SEMA4B: variants seen among roughly 807,000 people sequenced by gnomAD.
The protein encoded by SEMA4B is semaphorin 4B, also known as semaphorin-4B.
In SEMA4B, 55 loss-of-function variants were observed where a neutral mutation model predicts 88.1. The observed-to-expected ratio is 0.62, with a 90% CI of 0.50 to 0.78. The LOEUF (loss-of-function observed/expected upper bound fraction) is 0.78. Ranked by LOEUF, SEMA4B falls within the 30% of genes least tolerant of loss-of-function variation. The pLI is 0.00. For missense variants in SEMA4B, 1,062 were observed against 1,111.9 expected (o/e 0.96, Z 0.64); for synonymous variants, 525 against 473.6 (o/e 1.11, Z -1.41).
At chr15:90,198,520 A>C (rs982709833), upstream of SEMA4B, among the ~76,000 whole-genome samples, 1 of 152,228 alleles carries the variant, frequency 6.6e-6, no homozygotes, top group East Asian at 1.9e-4. Context: ...GTGCTCTGAA[A>C]AAATATCTCA....
chr15:90,194,246 A>C (rs1215202212), intron 1 of SEMA4B, among the ~76,000 whole-genome samples: 1 of 152,024 alleles, frequency 6.6e-6, no homozygotes, highest in African/African-American at 2.4e-5. Context: ...AAAGATATTG[A>C]TCAGGCCAGG....
At chr15:90,206,311 G>C (rs1960986620) in intron 1 of SEMA4B, among the ~76,000 whole-genome samples, 1 of 152,174 alleles carries the variant, frequency 6.6e-6, no homozygotes, top group Admixed American at 6.5e-5. Flanking sequence ...CTGTGGTCGA[G>C]GCCTGCCTTC....
Position 90,221,638 on chromosome 15 carries a change from A to G in SEMA4B, c.734A>G (p.Tyr245Cys), listed in dbSNP as rs1961851269. ...LQDPAFVASAYIPESLGSLQG... is the reference protein window; with the variant it reads ...LQDPAFVASACIPESLGSLQG... ...GACCCAGCTTTTGTGGCCTCAGCCT[A>G]CATTCCTGAGAGCCTGGGCAGCTTG... The change falls in exon 7 of 14, where the codon TAC (tyrosine) becomes TGC (cysteine). Residue 245 changes from tyrosine (Y) to cysteine (C), a missense_variant. By Grantham distance (194) the Tyr-to-Cys change is radical. Transcript: ENST00000411539. 6.2e-7 allele frequency: 1 copy of G among 1,614,020 alleles called. No homozygotes were observed. Among genetic ancestry groups the G allele is most frequent in the Non-Finnish European group, 8.5e-7 (1 of 1,179,892 alleles).
At chr15:90,199,789 G>A (rs1410782235), upstream of SEMA4B, among the ~76,000 whole-genome samples, 1 of 152,002 alleles carries the variant, frequency 6.6e-6, no homozygotes, top group Non-Finnish European at 1.5e-5. Flanking sequence ...TTGCACCATT[G>A]CACTCCAGCC....
At chr15:90,188,489 A>T (rs553377312) in intron 1 of SEMA4B, among the ~76,000 whole-genome samples, 2 of 151,842 alleles carry the variant, frequency 1.3e-5, no homozygotes, top group Non-Finnish European at 2.9e-5. Context: ...TTAGCCAGGC[A>T]TGGTGGCGCA....
chr15:90,228,864 A>C lies in SEMA4B; in HGVS notation c.*221A>C. The C allele has an allele frequency of 5.0e-6, 3 of 606,006 alleles. No individual in the cohort carries two copies. The highest frequency in any genetic ancestry group is 8.6e-6 in the Non-Finnish European group (3 of 347,204). 37.5% of individuals were successfully genotyped at this position (606,006 alleles called of 1,614,324 possible). ...GTGGCCCCAGAGGTCCTGGCCAAAT[A>C]TGGGGGCCTGCCTAGGTTGGTGGAA... On this transcript the variant is annotated 3_prime_UTR_variant, in exon 14 of 14. Transcript: ENST00000411539.
rs1478545809 is a variant in SEMA4B at position 90,225,100 on chromosome 15, C to G, written c.1327C>G (p.Gln443Glu). 6.2e-7 allele frequency: 1 copy of G among 1,613,750 alleles called. No individual in the cohort carries two copies. The change falls in exon 10 of 14, where the codon CAG becomes GAG. Residue 443 changes from glutamine (Q) to glutamate (E), a missense_variant. Transcript: ENST00000411539. ...AAGCCGCATGCTGCTGCTGCAGCCCCAGGCTCGCTACCAGCGCGTGGCTGT... is the reference window on the plus strand; with the variant it reads ...AAGCCGCATGCTGCTGCTGCAGCCCGAGGCTCGCTACCAGCGCGTGGCTGT... ...VRSRMLLLQP[Q>E]ARYQRVAVHR...
rs1050071399 is a variant in SEMA4B, at chr15:90,223,893, C to T, written c.1099C>T (p.Gln367Ter). Reference sequence around the variant, plus strand: ...CTGTGTCTTCACAATGAAGGATGTGCAGAGAGTCTTCAGCGGCCTCTACAA... The same window carrying T: ...CTGTGTCTTCACAATGAAGGATGTGTAGAGAGTCTTCAGCGGCCTCTACAA... ...AVCVFTMKDV[Q>*]RVFSGLYKEV... Residue 367 changes from glutamine to a stop codon, truncating the protein, a stop_gained, in exon 9 of 14, where the codon CAG (glutamine) becomes TAG (stop). Transcript: ENST00000411539. LOFTEE classifies it high-confidence loss of function. 1.9e-6 allele frequency: 3 copies of T among 1,613,806 alleles called. No homozygotes were observed. The highest frequency in any genetic ancestry group is 2.5e-6 in the Non-Finnish European group (3 of 1,179,872).
rs11547966 is a variant in SEMA4B at position 90,225,039 on chromosome 15, C to T, written c.1266C>T (p.Phe422=). 0.22 allele frequency: 362,048 copies of T among 1,613,778 alleles called. 42,742 individuals are homozygous for T. The highest frequency in any genetic ancestry group is 0.24 in the Non-Finnish European group (286,472 of 1,179,782). ...AGCTCCCAGACCGCGTGCTGAACTT[C>T]CTCAAGGACCACTTCCTGATGGACG... ...SLQLPDRVLN[F]LKDHFLMDGQ... The change falls in exon 10 of 14, where the codon TTC becomes TTT. Residue 422 remains phenylalanine (F), a synonymous_variant. Coordinates refer to ENST00000411539, the MANE Select transcript of SEMA4B (RefSeq NM_198925.4).
intron 1 of SEMA4B, among the ~76,000 whole-genome samples, chr15:90,207,927 T>C (rs941946034): frequency 6.6e-6 from 1 of 152,142 alleles, no homozygotes; most frequent in African/African-American, 2.4e-5. Context: ...AGCCTGGAGA[T>C]ACATTTTGTT....
At chr15:90,195,919 C>T (rs989121571) in intron 1 of SEMA4B, among the ~76,000 whole-genome samples, 4 of 97,218 alleles carry the variant, frequency 4.1e-5, no homozygotes, top group Admixed American at 2.2e-4. Flanking sequence ...CTGTTTTGTA[C>T]TTCTCTTTTT....
intron 1 of SEMA4B, among the ~76,000 whole-genome samples, chr15:90,187,843 A>G (rs1423280468): frequency 6.6e-6 from 1 of 151,952 alleles, no homozygotes; most frequent in African/African-American, 2.4e-5. Flanking sequence ...TGTCTCTACT[A>G]AAAATACAAA....
In SEMA4B at chr15:90,221,407, G is replaced by A. The variant is rs1400987135; in HGVS notation, c.636G>A (p.Gly212=). 4.4e-6 allele frequency: 7 copies of A among 1,578,060 alleles called. No individual in the cohort carries two copies. The South Asian group carries it at 7.0e-5, about 16-fold the overall frequency. ...CTGGAACAGTCAGCAGCTTCCAAGG[G>A]AATGACCCGGCCATCTCGCGGAGCC... is the stretch of plus-strand genomic sequence containing the variant. ...LYTGTVSSFQ[G]NDPAISRSQS... Residue 212 remains glycine, a synonymous_variant, in exon 6 of 14, where the codon GGG becomes GGA. Transcript: ENST00000411539.
intron 5 of SEMA4B, 92 bp downstream of exon 5, chr15:90,221,185 A>T: frequency 8.8e-7 from 1 of 1,142,574 alleles, no homozygotes; most frequent in South Asian, 1.3e-5. Flanking sequence ...AGTCCATGCC[A>T]TGCTTATTTC....
At chr15:90,217,257 G>A (rs547820255) in intron 1 of SEMA4B, 182 bp from the exon 2 acceptor site, 2 of 570,300 alleles carry the variant, frequency 3.5e-6, no homozygotes, top group South Asian at 2.4e-5. Context: ...CTTATGTAAT[G>A]TTTGAGAGTC....
At chr15:90,227,808 T>C in intron 13 of SEMA4B, 96 bp from the exon 14 acceptor site, 1 of 1,563,924 alleles carries the variant, frequency 6.4e-7, no homozygotes, top group South Asian at 1.2e-5. Flanking sequence ...GAGTTGCCCA[T>C]CGTGGCACCA....
intron 7 of SEMA4B, among the ~76,000 whole-genome samples, chr15:90,222,322 C>A (rs1961904552): frequency 6.7e-6 from 1 of 148,644 alleles, no homozygotes; most frequent in Non-Finnish European, 1.5e-5. Flanking sequence ...GTAATCCCAG[C>A]ACTTTGGGAG....
At chr15:90,196,119 G>T (rs1421278159) in intron 1 of SEMA4B, among the ~76,000 whole-genome samples, 2 of 146,816 alleles carry the variant, frequency 1.4e-5, no homozygotes, top group African/African-American at 5.1e-5. Context: ...TAGTAGAGAC[G>T]GGGTTTCACC....
chr15:90,220,660 C>T lies in SEMA4B; in HGVS notation c.484-322C>T, dbSNP rs141547555. ...CTGGGATTACAGGTGTGAGCCACCG[C>T]GCCCGGCCAGGCTCACATCATTTTC... On this transcript the variant is annotated intron_variant, in intron 4 of 13. Transcript: ENST00000411539. Among the ~76,000 whole-genome samples, 8 of 151,828 alleles carry T rather than the reference C, an allele frequency of 5.3e-5. No individual in the cohort carries two copies. In the South Asian group the frequency reaches 6.3e-4, roughly 12 times the overall value.
Sources: allele counts gnomAD v4.1 joint callset (sites outside exome capture counted in the v4.1 genomes callset), GRCh38; gene constraint gnomAD v4.1.1; transcripts MANE v1.5; gene names NCBI Gene and HGNC (gene_info 2026-07-23, HGNC 2026-07-21).